ZNF609: variants seen among roughly 807,000 people sequenced by gnomAD.
ZNF609 encodes zinc finger protein 609.
ZNF609 carries 11 observed loss-of-function variants against 109.5 expected under a neutral mutation model. The observed-to-expected ratio is 0.10, with a 90% confidence interval of 0.06 to 0.17. The LOEUF is 0.17. Ranked by LOEUF, ZNF609 falls within the 10% of genes least tolerant of loss-of-function variation. ZNF609 has a pLI of 1.00. For missense variants in ZNF609, 1,559 were observed against 1,772.4 expected, an observed-to-expected ratio of 0.88 and a Z score of 2.16; for synonymous variants, 646 against 662.0, an observed-to-expected ratio of 0.98 and a Z score of 0.37.
intron 2 of ZNF609, among the ~76,000 whole-genome samples, chr15:64,535,216 T>C (rs2140374985): frequency 6.6e-6 from 1 of 152,188 alleles, no homozygotes; most frequent in East Asian, 1.9e-4. Context: ...CCCTGATTAA[T>C]TTTTAAAATT....
chr15:64,609,837 G>A (rs1292600669), intron 2 of ZNF609, among the ~76,000 whole-genome samples: 1 of 148,610 alleles, frequency 6.7e-6, no homozygotes, highest in Non-Finnish European at 1.5e-5. Context: ...AGACCAGCCT[G>A]GCTAACACGG....
At chr15:64,528,039 A>G (rs1347343290) in intron 2 of ZNF609, among the ~76,000 whole-genome samples, 1 of 152,122 alleles carries the variant, frequency 6.6e-6, no homozygotes, top group African/African-American at 2.4e-5. Flanking sequence ...GAAATATTGA[A>G]TATTATATAG....
intron 3 of ZNF609, among the ~76,000 whole-genome samples, chr15:64,639,855 G>T (rs1478980433): frequency 1.3e-5 from 2 of 152,144 alleles, no homozygotes; most frequent in Non-Finnish European, 2.9e-5. Context: ...CCCAAAGTCA[G>T]TCTGAGCAGA....
At chr15:64,464,396 T>G (rs1193688326) in intron 1 of ZNF609, among the ~76,000 whole-genome samples, 6 of 152,210 alleles carry the variant, frequency 3.9e-5, no homozygotes, top group Non-Finnish European at 8.8e-5. Context: ...CCTTAGTACT[T>G]GTACTGCCCT....
intron 2 of ZNF609, among the ~76,000 whole-genome samples, chr15:64,541,951 C>T (rs1401416109): frequency 6.6e-6 from 1 of 151,062 alleles, no homozygotes; most frequent in South Asian, 2.1e-4. Context: ...CTTTCTCTTC[C>T]TTCCCTTTCT....
chr15:64,617,329 TAAA>T (rs774259983), intron 2 of ZNF609, among the ~76,000 whole-genome samples: 3 of 139,620 alleles, frequency 2.1e-5, no homozygotes, highest in Non-Finnish European at 3.1e-5. Context: ...GCCAAAAAAT[TAAA>T]AAAAAAAAAA....
intron 1 of ZNF609, among the ~76,000 whole-genome samples, chr15:64,498,622 G>T (rs1368695150): frequency 6.6e-6 from 1 of 152,112 alleles, no homozygotes; most frequent in Non-Finnish European, 1.5e-5. Context: ...TTGAAACCTG[G>T]AGTTTTAGAA....
intron 1 of ZNF609, among the ~76,000 whole-genome samples, chr15:64,467,356 C>A (rs1044630607): frequency 6.6e-6 from 1 of 152,130 alleles, no homozygotes; most frequent in African/African-American, 2.4e-5. Flanking sequence ...TATCTCTACC[C>A]CTTCTTCAGT....
intron 3 of ZNF609, among the ~76,000 whole-genome samples, chr15:64,649,764 C>G (rs181519709): frequency 1.3e-5 from 2 of 152,218 alleles, no homozygotes; most frequent in East Asian, 3.9e-4. Flanking sequence ...AGTGGCACAA[C>G]ATTCAAAAGA....
chr15:64,519,595 G>T (rs925884414), intron 2 of ZNF609, among the ~76,000 whole-genome samples: 2 of 152,214 alleles, frequency 1.3e-5, no homozygotes, highest in Non-Finnish European at 2.9e-5. Context: ...GGCACACTTT[G>T]AGGAAAAGTT....
At chr15:64,606,181 A>T (rs1052275932) in intron 2 of ZNF609, among the ~76,000 whole-genome samples, 2 of 151,070 alleles carry the variant, frequency 1.3e-5, no homozygotes, top group South Asian at 4.3e-4. Context: ...TGGCACAGTC[A>T]TGGCTCACTG....
chr15:64,568,128 T>G (rs969081896), intron 2 of ZNF609, among the ~76,000 whole-genome samples: 1 of 152,198 alleles, frequency 6.6e-6, no homozygotes, highest in Non-Finnish European at 1.5e-5. Context: ...TTTGGAGGTT[T>G]TAAACATTAT....
chr15:64,658,348 C>G (rs758869924), intron 3 of ZNF609, among the ~76,000 whole-genome samples: 1 of 152,082 alleles, frequency 6.6e-6, no homozygotes, highest in Non-Finnish European at 1.5e-5. Context: ...CAGGCATGCA[C>G]CACCACGCCC....
At chr15:64,601,501 A>C (rs1054058880) in intron 2 of ZNF609, among the ~76,000 whole-genome samples, 3 of 152,212 alleles carry the variant, frequency 2.0e-5, no homozygotes, top group African/African-American at 7.2e-5. Context: ...AAAATAAATA[A>C]AATTATTGAA....
At chr15:64,503,264 G>A (rs16948024) in intron 2 of ZNF609, among the ~76,000 whole-genome samples, 3,183 of 152,220 alleles carry the variant, frequency 0.021, 123 homozygotes, top group African/African-American at 0.07. Context: ...GACCAGAGAT[G>A]GCTCTTAGCA....
At chr15:64,665,492 C>T (rs1398092750) in intron 3 of ZNF609, among the ~76,000 whole-genome samples, 1 of 152,228 alleles carries the variant, frequency 6.6e-6, no homozygotes, top group East Asian at 1.9e-4. Flanking sequence ...TGGCTCATGC[C>T]TGTAATCCCA....
At position 64,669,528 on chromosome 15, in the gene ZNF609, G is replaced by C. The variant is rs1036773616; in HGVS notation, c.974-818G>C. On this transcript the variant is annotated intron_variant, in intron 3 of 9. Transcript: ENST00000326648. ...TTGGATGTTTCCAAGTAGGGGAACT[G>C]GAAGACTGAAGAACAGTTATGGAAG... Among the ~76,000 whole-genome samples, 5 of 152,264 alleles carry C rather than the reference G, an allele frequency of 3.3e-5. No individual in the cohort carries two copies. The East Asian group carries it at 7.7e-4, about 23-fold the overall frequency.
intron 2 of ZNF609, among the ~76,000 whole-genome samples, chr15:64,519,373 G>A (rs1042961843): frequency 1.3e-5 from 2 of 152,160 alleles, no homozygotes; most frequent in Non-Finnish European, 2.9e-5. Context: ...GAATGTGTCT[G>A]TATTGAATGA....
intron 3 of ZNF609, among the ~76,000 whole-genome samples, chr15:64,627,663 CTTTTTTT>C (rs35293725): frequency 2.3e-5 from 2 of 86,016 alleles, no homozygotes; most frequent in Non-Finnish European, 4.2e-5. Flanking sequence ...TTTTTTCTTT[CTTTTTTT>C]TTTTTTTTTT....
Sources: gnomAD v4.1 joint callset for allele counts (sites outside exome capture counted in the v4.1 genomes callset) on GRCh38, gnomAD v4.1.1 for gene constraint, MANE v1.5 for transcripts, NCBI Gene and HGNC (gene_info 2026-07-23, HGNC 2026-07-21) for gene names.